The following TIMM9 variants were observed in gnomAD, a reference collection of about 807,000 sequenced individuals.
The protein encoded by TIMM9 is mitochondrial import inner membrane translocase subunit Tim9.
In TIMM9, 10 loss-of-function variants were observed where a neutral mutation model predicts 13.4. That is an observed-to-expected ratio of 0.75 (90% confidence interval 0.46 to 1.26). The LOEUF (loss-of-function observed/expected upper bound fraction) is 1.26. TIMM9 is among the 50% of genes most tolerant of loss of function. The pLI is 0.00. For missense variants in TIMM9, 87 were observed against 100.8 expected (o/e 0.86, Z 0.58); for synonymous variants, 32 against 32.1 (o/e 1.00, Z 0.01).
At chr14:58,420,286 G>A (rs190460152) in intron 3 of TIMM9, among the ~76,000 whole-genome samples, 16 of 152,206 alleles carry the variant, frequency 1.1e-4, no homozygotes, top group African/African-American at 2.9e-4. Flanking sequence ...TACAGACCAG[G>A]AGGAAATATT....
At position 58,408,902 on chromosome 14, in the gene TIMM9, T is replaced by C. The variant is rs1346636175; in HGVS notation, c.*132A>G. 8.1e-6 allele frequency: 11 copies of C among 1,356,324 alleles called. No homozygotes were observed. In the South Asian group the frequency reaches 1.1e-4, roughly 13 times the overall value. 84.0% of individuals were successfully genotyped at this position (1,356,324 alleles called of 1,614,324 possible). On this transcript the variant is annotated 3_prime_UTR_variant, in exon 6 of 6. Transcript: ENST00000395159. ...ATTTTGTTTCTCCAGCGGTTTCCATTTGCCAAACAGTCATGACAGATGGTT... is the reference window on the plus strand; with the variant it reads ...ATTTTGTTTCTCCAGCGGTTTCCATCTGCCAAACAGTCATGACAGATGGTT...
At chr14:58,416,736 A>G (rs1311240345) in intron 3 of TIMM9, among the ~76,000 whole-genome samples, 1 of 152,236 alleles carries the variant, frequency 6.6e-6, no homozygotes, top group East Asian at 1.9e-4. Flanking sequence ...TTGAACTGGT[A>G]ATATGCTGAC....
intron 3 of TIMM9, among the ~76,000 whole-genome samples, chr14:58,413,826 T>G (rs1233389724): frequency 6.6e-6 from 1 of 151,392 alleles, no homozygotes; most frequent in Non-Finnish European, 1.5e-5. Flanking sequence ...GCTAACACAG[T>G]GAAACCCCGT....
chr14:58,409,664 C>T (rs1446980578), intron 5 of TIMM9, among the ~76,000 whole-genome samples: 7 of 151,450 alleles, frequency 4.6e-5, no homozygotes, highest in African/African-American at 1.5e-4. Flanking sequence ...CTGCAAGCTC[C>T]GCCTCCTGAG....
At chr14:58,417,918 A>G (rs1352766029) in intron 3 of TIMM9, among the ~76,000 whole-genome samples, 1 of 152,164 alleles carries the variant, frequency 6.6e-6, no homozygotes, top group Non-Finnish European at 1.5e-5. Context: ...GCAGACACCA[A>G]AAGGATACAG....
At chr14:58,423,470 G>T (rs1305773398) in intron 3 of TIMM9, among the ~76,000 whole-genome samples, 1 of 129,958 alleles carries the variant, frequency 7.7e-6, no homozygotes, top group Non-Finnish European at 1.6e-5. Flanking sequence ...AGCTGAGATT[G>T]TGCCACTGCA....
chr14:58,426,140 G>A (rs2036773920), intron 2 of TIMM9, among the ~76,000 whole-genome samples: 2 of 151,712 alleles, frequency 1.3e-5, no homozygotes, highest in African/African-American at 2.4e-5. Flanking sequence ...AAACTCATTA[G>A]AGAAACTCAG....
intron 3 of TIMM9, among the ~76,000 whole-genome samples, chr14:58,413,058 A>C (rs1440237277): frequency 6.6e-6 from 1 of 152,194 alleles, no homozygotes; most frequent in Non-Finnish European, 1.5e-5. Flanking sequence ...AAAATATCAA[A>C]GATTTTAACA....
intron 3 of TIMM9, among the ~76,000 whole-genome samples, chr14:58,413,933 G>A (rs990708138): frequency 6.7e-6 from 1 of 149,416 alleles, no homozygotes; most frequent in African/African-American, 2.5e-5. Context: ...CGTGAACCCG[G>A]GAGGTGGAGC....
At chr14:58,410,168 C>T (rs961269185) in intron 5 of TIMM9, among the ~76,000 whole-genome samples, 11 of 152,024 alleles carry the variant, frequency 7.2e-5, no homozygotes, top group African/African-American at 2.4e-4. Context: ...GCCTCCCGGG[C>T]TCAGGTGACC....
In TIMM9 at chr14:58,427,476, C is replaced by G. The variant is rs1175765520; in HGVS notation, c.-388G>C. The G allele has an allele frequency of 2.1e-6, 2 of 944,990 alleles. No homozygotes were observed. Among genetic ancestry groups the G allele is most frequent in the African/African-American group, 1.6e-5 (1 of 60,720 alleles). 58.5% of individuals were successfully genotyped at this position (944,990 alleles called of 1,614,324 possible). Reference sequence around the variant, plus strand: ...CACAAGTAGTATTACAAGTCGGGAGCTCTTCAAGTCTTGGATGAGACTGTA... The same window carrying G: ...CACAAGTAGTATTACAAGTCGGGAGGTCTTCAAGTCTTGGATGAGACTGTA... On this transcript the variant is annotated 5_prime_UTR_variant, in exon 1 of 6. Transcript: ENST00000395159.
chr14:58,424,969 G>A (rs532253763), intron 2 of TIMM9, among the ~76,000 whole-genome samples: 1 of 152,338 alleles, frequency 6.6e-6, no homozygotes, highest in South Asian at 2.1e-4. Context: ...CATCACCTAT[G>A]TGGTATTCTG....
chr14:58,409,895 G>A (rs2036157942), intron 5 of TIMM9, among the ~76,000 whole-genome samples: 1 of 151,868 alleles, frequency 6.6e-6, no homozygotes, highest in Non-Finnish European at 1.5e-5. Flanking sequence ...TTATTTTTTT[G>A]AGACAGGTTC....
chr14:58,426,142 G>A (rs1220234751), intron 2 of TIMM9, among the ~76,000 whole-genome samples: 1 of 151,638 alleles, frequency 6.6e-6, no homozygotes, highest in Non-Finnish European at 1.5e-5. Flanking sequence ...ACTCATTAGA[G>A]AAACTCAGCA....
At chr14:58,414,008 GAAAAAAAAA>G (rs10656955) in intron 3 of TIMM9, among the ~76,000 whole-genome samples, 150 of 24,178 alleles carry the variant, frequency 6.2e-3, no homozygotes, top group African/African-American at 0.028. Flanking sequence ...TTCCGTCTCA[GAAAAAAAAA>G]AAAAAAAAAA....
intron 4 of TIMM9, among the ~76,000 whole-genome samples, chr14:58,411,632 T>C (rs982748740): frequency 6.6e-6 from 1 of 151,706 alleles, no homozygotes; most frequent in African/African-American, 2.4e-5. Context: ...CTCTGCTTCC[T>C]GGGTCAAGCA....
At chr14:58,410,237 A>AT (rs1044677682) in intron 5 of TIMM9, among the ~76,000 whole-genome samples, 11 of 150,714 alleles carry the variant, frequency 7.3e-5, no homozygotes, top group African/African-American at 2.7e-4. Flanking sequence ...TGTCTAGCTA[A>AT]TTTTTTTTTG....
At chr14:58,426,626 TC>T (rs1324264889) in intron 2 of TIMM9, among the ~76,000 whole-genome samples, 3 of 152,204 alleles carry the variant, frequency 2.0e-5, no homozygotes, top group Non-Finnish European at 4.4e-5. Flanking sequence ...TTCTAAAGCC[TC>T]CAGTAAGGCG....
Position 58,408,494 on chromosome 14 carries a change from AT to A in TIMM9, c.*539del. Reference sequence around the variant, plus strand: ...GGCAAGAAAAGGATCATGCATTGAAATGATTAGCAAGTAACTATTTTATGTA... The same window carrying A: ...GGCAAGAAAAGGATCATGCATTGAAAGATTAGCAAGTAACTATTTTATGTA... On this transcript the variant is annotated 3_prime_UTR_variant, in exon 6 of 6. Coordinates refer to ENST00000395159, the MANE Select transcript of TIMM9 (RefSeq NM_012460.4). 6.2e-7 allele frequency: 1 copy of A among 1,601,384 alleles called. No individual in the cohort carries two copies. Among genetic ancestry groups the A allele is most frequent in the South Asian group, 1.1e-5 (1 of 90,648 alleles).
Sources: allele counts gnomAD v4.1 joint callset (sites outside exome capture counted in the v4.1 genomes callset), GRCh38; gene constraint gnomAD v4.1.1; transcripts MANE v1.5; gene names NCBI Gene and HGNC (gene_info 2026-07-23, HGNC 2026-07-21).